Variants in COL5A2 observed in about 807,000 individuals in gnomAD.
COL5A2 encodes collagen alpha-2(V) chain.
COL5A2 carries 23 observed loss-of-function variants against 208.2 expected under a neutral mutation model. The ratio of observed to expected loss-of-function variants is 0.11; its 90% CI spans 0.08 to 0.16. The LOEUF is 0.16. COL5A2 is among the 10% of genes least tolerant of loss of function. The pLI, the probability that COL5A2 is intolerant of heterozygous loss-of-function variation, is 1.00. For missense variants in COL5A2, 1,590 were observed against 1,956.4 expected (o/e 0.81, Z 3.53); for synonymous variants, 625 against 628.5 (o/e 0.99, Z 0.08).
chr2:189,213,225 G>A (rs1285779933), intron 1 of COL5A2, among the ~76,000 whole-genome samples: 3 of 151,980 alleles, frequency 2.0e-5, no homozygotes, highest in Non-Finnish European at 4.4e-5. Flanking sequence ...AAAGGGGGGA[G>A]TTGTATAAAA....
chr2:189,041,813 C>G, intron 49 of COL5A2, 120 bp from the exon 50 acceptor site: 1 of 665,936 alleles, frequency 1.5e-6, no homozygotes, highest in Non-Finnish European at 2.7e-6. Flanking sequence ...GATTCATTTT[C>G]TTACTGATTA....
the COL5A2 span, among the ~76,000 whole-genome samples, chr2:189,344,573 C>T: frequency 6.6e-6 from 1 of 152,256 alleles, no homozygotes; most frequent in Non-Finnish European, 1.5e-5. Context: ...AAGCAAGTCC[C>T]AAGAATATCT....
At chr2:189,263,395 C>T in the COL5A2 span, among the ~76,000 whole-genome samples, 2 of 152,024 alleles carry the variant, frequency 1.3e-5, no homozygotes, top group Non-Finnish European at 2.9e-5. Flanking sequence ...ATACTTTAGT[C>T]GACAGTAGAC....
chr2:189,311,261 T>C, the COL5A2 span: 16 of 1,460,140 alleles, frequency 1.1e-5, no homozygotes, highest in South Asian at 1.1e-5. Flanking sequence ...TCTGCTGGCT[T>C]AATGTTTCAG....
chr2:189,430,862 GCCT>G, the COL5A2 span, among the ~76,000 whole-genome samples: 1 of 152,222 alleles, frequency 6.6e-6, no homozygotes, highest in Non-Finnish European at 1.5e-5. Flanking sequence ...CAGACAGACT[GCCT>G]CCTCAAGTGG....
At chr2:189,192,863 T>C (rs1688948209) in intron 1 of COL5A2, among the ~76,000 whole-genome samples, 1 of 152,252 alleles carries the variant, frequency 6.6e-6, no homozygotes, top group South Asian at 2.1e-4. Context: ...TTAATGTCTT[T>C]ATCTCAAGCA....
intron 35 of COL5A2, 38 bp from the exon 36 acceptor site, chr2:189,054,250 A>T: frequency 1.4e-6 from 2 of 1,458,830 alleles, no homozygotes; most frequent in Non-Finnish European, 1.9e-6. Flanking sequence ...TGAGGTAAAA[A>T]ATGCACAGAA....
At chr2:189,103,890 T>G (rs1687098899) in intron 3 of COL5A2, among the ~76,000 whole-genome samples, 1 of 152,072 alleles carries the variant, frequency 6.6e-6, no homozygotes, top group Non-Finnish European at 1.5e-5. Context: ...TCTTCCTTCC[T>G]CCTTCCCTTC....
chr2:189,203,060 A>G (rs963436255), intron 1 of COL5A2, among the ~76,000 whole-genome samples: 7 of 152,204 alleles, frequency 4.6e-5, no homozygotes, highest in Non-Finnish European at 7.4e-5. Flanking sequence ...TAAAATGTAA[A>G]TCTGTAATGC....
intron 10 of COL5A2, 95 bp downstream of exon 10, chr2:189,085,624 A>AG: frequency 9.7e-7 from 1 of 1,034,410 alleles, no homozygotes; most frequent in Non-Finnish European, 1.5e-6. Flanking sequence ...TTCCTACATT[A>AG]GGGAGGACCT....
the COL5A2 span, among the ~76,000 whole-genome samples, chr2:189,436,470 C>T: frequency 6.6e-6 from 1 of 152,152 alleles, no homozygotes; most frequent in East Asian, 1.9e-4. Context: ...CACATGTATA[C>T]ATATGTAACA....
At chr2:189,238,087 T>G in the COL5A2 span, among the ~76,000 whole-genome samples, 1 of 150,604 alleles carries the variant, frequency 6.6e-6, no homozygotes, top group Non-Finnish European at 1.5e-5. Flanking sequence ...TAAATATGTA[T>G]AAAACAAAAT....
At position 189,057,374 on chromosome 2, in the gene COL5A2, T is replaced by C. The variant is rs755789858; in HGVS notation, c.2283A>G (p.Gln761=). The change falls in exon 34 of 54, where the codon CAA becomes CAG. Residue 761 remains glutamine (Q), a synonymous_variant. Transcript: ENST00000374866. ...TPGDTGPPGL[Q]GMPGERGIAG... ...CAATTCCTCTTTCTCCCGGCATACC[T>C]TGAAGACCTGGTGGGCCTGTATCTC... 2.5e-6 allele frequency: 4 copies of C among 1,612,544 alleles called. No homozygotes were observed. Among genetic ancestry groups the C allele is most frequent in the Admixed American group, 3.3e-5 (2 of 59,908 alleles).
chr2:189,033,992 A>G lies in COL5A2; in HGVS notation c.*78T>C, dbSNP rs1685390197. ...CATTACTTCAAGAGTCTCAGGATCA[A>G]CTTCAAACAGTCAAAGTTCTTGTGA... On this transcript the variant is annotated 3_prime_UTR_variant, in exon 54 of 54. Coordinates refer to ENST00000374866, the MANE Select transcript of COL5A2 (RefSeq NM_000393.5). The G allele has an allele frequency of 3.1e-6, 5 of 1,596,534 alleles. No individual in the cohort carries two copies. Among genetic ancestry groups the G allele is most frequent in the Non-Finnish European group, 3.4e-6 (4 of 1,166,562 alleles).
chr2:189,066,306 T>G, intron 23 of COL5A2, 84 bp downstream of exon 23: 1 of 1,254,032 alleles, frequency 8.0e-7, no homozygotes, highest in East Asian at 2.3e-5. Flanking sequence ...TTCTCTTAAC[T>G]GTTCTAGTTT....
At chr2:189,368,852 T>C in the COL5A2 span, among the ~76,000 whole-genome samples, 1 of 152,140 alleles carries the variant, frequency 6.6e-6, no homozygotes, top group Admixed American at 6.5e-5. Flanking sequence ...AACCATGTAC[T>C]ATATAGTTAA....
intron 1 of COL5A2, among the ~76,000 whole-genome samples, chr2:189,159,639 G>A (rs1457469465): frequency 6.6e-6 from 1 of 152,116 alleles, no homozygotes; most frequent in African/African-American, 2.4e-5. Context: ...TGTATTAGTT[G>A]AGTAAATTAA....
At chr2:189,440,748 G>T in the COL5A2 span, among the ~76,000 whole-genome samples, 1 of 152,210 alleles carries the variant, frequency 6.6e-6, no homozygotes, top group Non-Finnish European at 1.5e-5. Context: ...CTAACCCACA[G>T]ATTCTATTCA....
Position 189,036,789 on chromosome 2 carries a change from C to A in COL5A2, c.3940G>T (p.Asp1314Tyr). ...SAKQSGEYWI[D>Y]PNQGSVEDAI... is the part of the protein sequence containing the mutation. ...TCTTCAACAGATCCTTGGTTAGGAT[C>A]AATCCAGTATTCACCTATTTTTCAA... is the stretch of plus-strand genomic sequence containing the variant. The change falls in exon 52 of 54, where the codon GAT becomes TAT. Residue 1314 changes from aspartate (D) to tyrosine (Y), a missense_variant. Asp to Tyr is a radical substitution (Grantham distance 160). Coordinates refer to ENST00000374866, the MANE Select transcript of COL5A2 (RefSeq NM_000393.5). 6.2e-7 allele frequency: 1 copy of A among 1,612,142 alleles called. No homozygotes were observed. Among genetic ancestry groups the A allele is most frequent in the South Asian group, 1.1e-5 (1 of 90,892 alleles).
Sources: gnomAD v4.1 joint callset for allele counts (sites outside exome capture counted in the v4.1 genomes callset) on GRCh38, gnomAD v4.1.1 for gene constraint, MANE v1.5 for transcripts, NCBI Gene and HGNC (gene_info 2026-07-23, HGNC 2026-07-21) for gene names.